The following MTMR12 variants were observed in gnomAD, a reference collection of about 807,000 sequenced individuals.
The protein encoded by MTMR12 is myotubularin-related protein 12.
Under a neutral mutation model 96.7 loss-of-function variants are expected in MTMR12, and 33 were observed. The ratio of observed to expected loss-of-function variants is 0.34; its 90% CI spans 0.26 to 0.46. The LOEUF (loss-of-function observed/expected upper bound fraction) is 0.46. Among genes scored for constraint, MTMR12 ranks in the 20% least tolerant of loss-of-function variants. The pLI is 1.00. For synonymous variants in MTMR12, 298 were observed against 327.2 expected (o/e 0.91, Z 0.96); for missense variants, 721 against 896.1 (o/e 0.80, Z 2.49).
intron 6 of MTMR12, 38 bp from the exon 7 acceptor site, chr5:32,263,280 C>T: frequency 6.2e-7 from 1 of 1,610,312 alleles, no homozygotes; most frequent in South Asian, 1.1e-5. Flanking sequence ...AAAATCTTTC[C>T]ATGAAGCACT....
chr5:32,261,791 G>A (rs1401562316), intron 7 of MTMR12, among the ~76,000 whole-genome samples: 1 of 152,192 alleles, frequency 6.6e-6, no homozygotes, highest in South Asian at 2.1e-4. Context: ...GGAAGAAAAA[G>A]GCCGGGCGCA....
chr5:32,242,004 G>C (rs1748493693), intron 12 of MTMR12, 53 bp downstream of exon 12: 1 of 1,460,034 alleles, frequency 6.8e-7, no homozygotes, highest in African/African-American at 1.4e-5. Context: ...TACAAAAATT[G>C]AATCTCAAGT....
chr5:32,309,279 T>C (rs1028985929), intron 1 of MTMR12, among the ~76,000 whole-genome samples: 1 of 152,132 alleles, frequency 6.6e-6, no homozygotes, highest in Non-Finnish European at 1.5e-5. Flanking sequence ...AGTTTAAAGA[T>C]CAGTTGCACT....
rs1751635096 is a variant in MTMR12, at chr5:32,312,431, C to CGG, written c.81+326_81+327insCC. 2.0e-5 allele frequency among the ~76,000 whole-genome samples: 3 copies of CGG among 152,232 alleles called. No homozygotes were observed. Among genetic ancestry groups the CGG allele is most frequent in the Admixed American group, 6.5e-5 (1 of 15,290 alleles). On this transcript the variant is annotated intron_variant, in intron 1 of 15. Coordinates refer to ENST00000382142, the MANE Select transcript of MTMR12 (RefSeq NM_001040446.3). This position sits in a 1 kb window ranked among gnomAD's most constrained non-coding sequence, Gnocchi z 5.0. Reference sequence around the variant, plus strand: ...GGGGCTCCGACCCACGGCCCTACCCCTCCCAGCAGTGCCCACAACCCCAGG... The same window carrying CGG: ...GGGGCTCCGACCCACGGCCCTACCCCGGTCCCAGCAGTGCCCACAACCCCAGG...
At chr5:32,277,282 GACTGATA>G (rs1012162690) in intron 1 of MTMR12, among the ~76,000 whole-genome samples, 7 of 152,162 alleles carry the variant, frequency 4.6e-5, no homozygotes, top group African/African-American at 7.2e-5. Context: ...AATTATTTAG[GACTGATA>G]ACTAGTAGCT....
Position 32,248,845 on chromosome 5 carries a change from G to A in MTMR12, c.823C>T (p.Leu275Phe). 6.2e-7 allele frequency: 1 copy of A among 1,614,050 alleles called. No homozygotes were observed. Among genetic ancestry groups the A allele is most frequent in the Non-Finnish European group, 8.5e-7 (1 of 1,179,980 alleles). The change falls in exon 9 of 16, where the codon CTT becomes TTT. Residue 275 changes from leucine (L) to phenylalanine (F), a missense_variant. Physicochemically the swap from Leu to Phe is conservative, Grantham distance 22 (BLOSUM62 0). Transcript: ENST00000382142. ...TTGGGCAGTGCTGACATTTTCAAAAGGGCACTTCCATTGTGGCAGGACCAA... is the reference window on the plus strand; with the variant it reads ...TTGGGCAGTGCTGACATTTTCAAAAAGGCACTTCCATTGTGGCAGGACCAA... The part of the protein sequence containing the change: ...WCWSCHNGSA[L>F]LKMSALPKEQ...
intron 1 of MTMR12, among the ~76,000 whole-genome samples, chr5:32,301,809 G>T (rs941779066): frequency 6.6e-6 from 1 of 152,042 alleles, no homozygotes; most frequent in Admixed American, 6.6e-5. Context: ...CACAAGAATC[G>T]CTTGAAACTG....
intron 1 of MTMR12, among the ~76,000 whole-genome samples, chr5:32,299,221 A>G (rs1166968190): frequency 3.9e-5 from 6 of 152,200 alleles, no homozygotes; most frequent in Admixed American, 3.9e-4. Flanking sequence ...TAAGACTAAC[A>G]GCAACCTTAC....
intron 13 of MTMR12, among the ~76,000 whole-genome samples, chr5:32,238,555 T>C (rs1748331765): frequency 6.6e-6 from 1 of 152,136 alleles, no homozygotes; most frequent in African/African-American, 2.4e-5. Flanking sequence ...CCAAAACAAT[T>C]TGAAATCTGA....
chr5:32,306,930 A>C (rs1751386502), intron 1 of MTMR12, among the ~76,000 whole-genome samples: 1 of 152,218 alleles, frequency 6.6e-6, no homozygotes, highest in Non-Finnish European at 1.5e-5. Context: ...GTACCCACAA[A>C]ATGGGTACAA....
At chr5:32,236,079 T>C (rs1748215834) in intron 13 of MTMR12, among the ~76,000 whole-genome samples, 1 of 152,184 alleles carries the variant, frequency 6.6e-6, no homozygotes. Flanking sequence ...CATAATATCA[T>C]TAAATAGAGT....
rs748352910 is a variant in MTMR12, at chr5:32,310,260, G to A, written c.81+2498C>T. Among the ~76,000 whole-genome samples the A allele has an allele frequency of 4.6e-5, 7 of 152,252 alleles. No homozygotes were observed. The Middle Eastern group carries it at 0.01, about 222-fold the overall frequency. On this transcript the variant is annotated intron_variant, in intron 1 of 15. Coordinates refer to ENST00000382142, the MANE Select transcript of MTMR12 (RefSeq NM_001040446.3). ...GGAGGCTACAGTGAGCTGTGATCAC[G>A]CCACTGTACTTCAACCTAAGCGACA... is the stretch of plus-strand genomic sequence containing the variant.
At chr5:32,232,712 A>G in intron 15 of MTMR12, among the ~76,000 whole-genome samples, 1 of 152,256 alleles carries the variant, frequency 6.6e-6, no homozygotes, top group East Asian at 1.9e-4. Context: ...TTAAACTGGC[A>G]GAAGAGGCTC....
intron 8 of MTMR12, among the ~76,000 whole-genome samples, chr5:32,249,655 A>T (rs1427610430): frequency 1.3e-5 from 2 of 152,254 alleles, no homozygotes; most frequent in African/African-American, 2.4e-5. Flanking sequence ...GAAAGAAGTC[A>T]CACGAGTGAC....
chr5:32,247,167 T>A (rs1748724106), intron 10 of MTMR12, among the ~76,000 whole-genome samples: 1 of 152,058 alleles, frequency 6.6e-6, no homozygotes, highest in Non-Finnish European at 1.5e-5. Flanking sequence ...CTGGGCAACA[T>A]GATGGGACTC....
At chr5:32,239,301 G>A in intron 12 of MTMR12, 128 bp from the exon 13 acceptor site, 1 of 973,636 alleles carries the variant, frequency 1.0e-6, no homozygotes, top group Non-Finnish European at 1.4e-6. Flanking sequence ...TAACAGTCAT[G>A]TTCTTATTCC....
chr5:32,235,389 G>A (rs1442829048), intron 13 of MTMR12, among the ~76,000 whole-genome samples: 1 of 152,226 alleles, frequency 6.6e-6, no homozygotes, highest in Non-Finnish European at 1.5e-5. Context: ...CAGTGTTACA[G>A]ATGAGCATCT....
chr5:32,275,927 G>T (rs950814420), intron 2 of MTMR12, among the ~76,000 whole-genome samples: 2 of 152,056 alleles, frequency 1.3e-5, no homozygotes, highest in Non-Finnish European at 2.9e-5. Flanking sequence ...CAATAAACTG[G>T]AATAAAATAA....
In MTMR12 at chr5:32,291,756, T is replaced by C. The variant is rs181149133; in HGVS notation, c.82-15014A>G. On this transcript the variant is annotated intron_variant, in intron 1 of 15. Coordinates refer to ENST00000382142, the MANE Select transcript of MTMR12 (RefSeq NM_001040446.3). ...CCAAGGCTGACCTGGCTACGGCCAC[T>C]GTTGAGTGCCCAGTTTGCCAGCAGC... is the stretch of plus-strand genomic sequence containing the variant. 2.8e-3 allele frequency among the ~76,000 whole-genome samples: 430 copies of C among 152,302 alleles called. 1 individual carries two copies. Among genetic ancestry groups the C allele is most frequent in the Middle Eastern group, 6.8e-3 (2 of 294 alleles).
Sources: gnomAD v4.1 joint callset for allele counts (sites outside exome capture counted in the v4.1 genomes callset) on GRCh38, gnomAD v4.1.1 for gene constraint, Gnocchi (gnomAD v3.1) non-coding constraint, MANE v1.5 for transcripts, NCBI Gene and HGNC (gene_info 2026-07-23, HGNC 2026-07-21) for gene names.